The following KIF21A variants were observed in gnomAD, a reference collection of about 807,000 sequenced individuals.
The protein encoded by KIF21A is kinesin-like protein KIF21A.
In KIF21A, 114 loss-of-function variants were observed where a neutral mutation model predicts 202.9. The ratio of observed to expected loss-of-function variants is 0.56; its 90% confidence interval spans 0.48 to 0.66. KIF21A has a LOEUF of 0.66. Ranked by LOEUF, KIF21A falls within the 30% of genes least tolerant of loss-of-function variation. The probability of loss-of-function intolerance (pLI) is 0.00; values close to 1 mark genes in which losing one functional copy is unlikely to be tolerated. For synonymous variants in KIF21A, 667 were observed against 670.8 expected, an observed-to-expected ratio of 0.99 and a Z score of 0.09; for missense variants, 1,677 against 1,994.9, an observed-to-expected ratio of 0.84 and a Z score of 3.04.
At position 39,423,966 on chromosome 12, in the gene KIF21A, A is replaced by G. The variant is rs376361533; in HGVS notation, c.44+18961T>C. On this transcript the variant is annotated intron_variant, in intron 1 of 37. Transcript: ENST00000361418. ...GCCACTGCACTCCAGCCTGGGGGAC[A>G]GAGCAAGACTCTGTCTCAAAAAAAA... Among the ~76,000 whole-genome samples the G allele has an allele frequency of 2.7e-3, 378 of 138,250 alleles. 11 individuals are homozygous for G. In the South Asian group the frequency reaches 0.093, roughly 34 times the overall value. 90.7% of individuals were successfully genotyped at this position (138,250 alleles called of 152,430 possible).
intron 1 of KIF21A, among the ~76,000 whole-genome samples, chr12:39,400,020 C>T (rs1952045235): frequency 6.6e-6 from 1 of 152,172 alleles, no homozygotes; most frequent in Non-Finnish European, 1.5e-5. Flanking sequence ...ACCTCATGTG[C>T]ATAACATCGA....
intron 11 of KIF21A, among the ~76,000 whole-genome samples, chr12:39,351,510 G>A (rs528764642): frequency 7.2e-5 from 11 of 152,050 alleles, no homozygotes; most frequent in African/African-American, 2.2e-4. Context: ...GCTATTTGAA[G>A]AAATAATAAA....
At chr12:39,407,202 A>G (rs1271509075) in intron 1 of KIF21A, among the ~76,000 whole-genome samples, 1 of 152,202 alleles carries the variant, frequency 6.6e-6, no homozygotes, top group Admixed American at 6.5e-5. Flanking sequence ...TCTTTATGCT[A>G]GAGATTTCTC....
chr12:39,342,122 A>G lies in KIF21A; in HGVS notation c.1715T>C (p.Val572Ala), dbSNP rs1364807045. 6.2e-7 allele frequency: 1 copy of G among 1,602,406 alleles called. No homozygotes were observed. Among genetic ancestry groups the G allele is most frequent in the East Asian group, 2.2e-5 (1 of 44,748 alleles). ...LEESNREERS[V>A]AGKEDNTDTD... ...GTCTGTATTATCCTCTTTACCAGCC[A>G]CACTAAAAAAAGGAACATAAGGGTA... is the stretch of plus-strand genomic sequence containing the variant. The change falls in exon 13 of 38, where the codon GTG becomes GCG. Residue 572 changes from valine (V) to alanine (A), a missense_variant and splice_region_variant. By Grantham distance (64) the Val-to-Ala change is moderately conservative. Transcript: ENST00000361418.
At chr12:39,404,866 A>G (rs977507952) in intron 1 of KIF21A, among the ~76,000 whole-genome samples, 66 of 152,322 alleles carry the variant, frequency 4.3e-4, no homozygotes, top group African/African-American at 1.3e-3. Flanking sequence ...ATACTATTTC[A>G]GCAGTATCAA....
At chr12:39,319,712 T>A (rs937781810) in intron 28 of KIF21A, among the ~76,000 whole-genome samples, 194 bp downstream of exon 28, 1 of 152,148 alleles carries the variant, frequency 6.6e-6, no homozygotes, top group Non-Finnish European at 1.5e-5. Flanking sequence ...CAAATATCTT[T>A]ACAGGTATAT....
intron 26 of KIF21A, among the ~76,000 whole-genome samples, chr12:39,323,982 C>T (rs530367657): frequency 2.9e-4 from 44 of 151,904 alleles, no homozygotes; most frequent in Admixed American, 1.7e-3. Flanking sequence ...TGGTGGCGGG[C>T]GCCTGTTGTC....
chr12:39,373,227 A>G (rs553558069), intron 1 of KIF21A, among the ~76,000 whole-genome samples: 2 of 152,304 alleles, frequency 1.3e-5, no homozygotes, highest in South Asian at 4.1e-4. Context: ...TTTCACTAGT[A>G]GCCGTGGTGA....
chr12:39,399,284 T>C lies in KIF21A; in HGVS notation c.45-29023A>G, dbSNP rs140652687. 3.1e-3 allele frequency among the ~76,000 whole-genome samples: 477 copies of C among 152,334 alleles called. 5 individuals are homozygous for C. Among genetic ancestry groups the C allele is most frequent in the African/African-American group, 0.011 (469 of 41,570 alleles). On this transcript the variant is annotated intron_variant, in intron 1 of 37. Transcript: ENST00000361418. Reference sequence around the variant, plus strand: ...AGATGATTTAAAGTATATGTGAGGATGTGTGAGTATATATGCAAATATTAT... The same window carrying C: ...AGATGATTTAAAGTATATGTGAGGACGTGTGAGTATATATGCAAATATTAT...
rs757125466 is a variant in KIF21A at position 39,369,880 on chromosome 12, G to T, written c.299C>A (p.Thr100Lys). Residue 100 changes from threonine to lysine, a missense_variant, in exon 3 of 38, where the codon ACA (threonine) becomes AAA (lysine). Around this residue, in one of 3 missense-constraint regions of KIF21A, gnomAD observed 966 missense variants for 1,180.9 expected, o/e 0.82. Transcript: ENST00000361418. ...CTCAACAATGTTAACATCAAATCCT[G>T]TTCCCATTGTGTATGTTTTACCAGC... ...TGAGKTYTMG[T>K]GFDVNIVEEE... The T allele has an allele frequency of 6.2e-7, 1 of 1,613,448 alleles. No individual in the cohort carries two copies.
intron 35 of KIF21A, 102 bp downstream of exon 35, chr12:39,304,719 A>G (rs1211459128): frequency 1.4e-6 from 1 of 708,888 alleles, no homozygotes; most frequent in Non-Finnish European, 2.5e-6. Context: ...AAAGACTAGA[A>G]AGGAAAAAAG....
At chr12:39,325,498 ATT>A (rs397714587) in intron 26 of KIF21A, among the ~76,000 whole-genome samples, 16 of 121,450 alleles carry the variant, frequency 1.3e-4, no homozygotes, top group East Asian at 7.1e-4. Flanking sequence ...CGCCCAGCTA[ATT>A]TTTTTTTTTT....
rs182146596 is a variant in KIF21A at position 39,391,255 on chromosome 12, A to T, written c.45-20994T>A. Among the ~76,000 whole-genome samples the T allele has an allele frequency of 2.7e-3, 413 of 152,312 alleles. 1 individual carries two copies. Among genetic ancestry groups the T allele is most frequent in the South Asian group, 0.017 (83 of 4,822 alleles). On this transcript the variant is annotated intron_variant, in intron 1 of 37. Coordinates refer to ENST00000361418, the MANE Select transcript of KIF21A (RefSeq NM_001173464.2). ...AAATTCCAAATCCATTTGGTTCTTAAGTTTTAGGTAGCAAATAGCAAGTTT... is the reference window on the plus strand; with the variant it reads ...AAATTCCAAATCCATTTGGTTCTTATGTTTTAGGTAGCAAATAGCAAGTTT...
intron 17 of KIF21A, among the ~76,000 whole-genome samples, chr12:39,334,200 CAAAAA>C (rs576176350): frequency 1.6e-5 from 1 of 63,736 alleles, no homozygotes; most frequent in African/African-American, 4.8e-5. Flanking sequence ...GACTCCATCT[CAAAAA>C]AAAAAAAAAA....
chr12:39,330,271 A>G lies in KIF21A; in HGVS notation c.3320-9T>C, dbSNP rs1450830795. Reference sequence around the variant, plus strand: ...TGGTACGCTATCTAGATCTGTGTAAATAACAGCAAAAAGGAAACAAAAAGC... The same window carrying G: ...TGGTACGCTATCTAGATCTGTGTAAGTAACAGCAAAAAGGAAACAAAAAGC... On this transcript the variant is annotated splice_polypyrimidine_tract_variant and intron_variant, in intron 23 of 37. Coordinates refer to ENST00000361418, the MANE Select transcript of KIF21A (RefSeq NM_001173464.2). 5 of 1,611,922 alleles carry G rather than the reference A, an allele frequency of 3.1e-6. No individual in the cohort carries two copies. The highest frequency in any genetic ancestry group is 4.2e-6 in the Non-Finnish European group (5 of 1,178,384).
At chr12:39,302,067 A>T (rs1274800019) in intron 36 of KIF21A, among the ~76,000 whole-genome samples, 1 of 152,212 alleles carries the variant, frequency 6.6e-6, no homozygotes, top group Admixed American at 6.5e-5. Context: ...CTGGCTCATA[A>T]TACCACCAGT....
intron 26 of KIF21A, among the ~76,000 whole-genome samples, chr12:39,325,005 C>T (rs1386112059): frequency 1.3e-5 from 2 of 152,212 alleles, no homozygotes; most frequent in African/African-American, 4.8e-5. Flanking sequence ...AGCTATCTCA[C>T]ACATTTAACT....
At chr12:39,405,277 G>T (rs555583128) in intron 1 of KIF21A, among the ~76,000 whole-genome samples, 2 of 151,988 alleles carry the variant, frequency 1.3e-5, no homozygotes, top group Non-Finnish European at 2.9e-5. Context: ...TCTTGGACCC[G>T]GGAGGCAGAG....
Position 39,322,837 on chromosome 12 carries a change from T to C in KIF21A, c.3502A>G (p.Ser1168Gly). 6.2e-7 allele frequency: 1 copy of C among 1,605,296 alleles called. No homozygotes were observed. The highest frequency in any genetic ancestry group is 8.5e-7 in the Non-Finnish European group (1 of 1,176,844). The change falls in exon 27 of 38, where the codon AGC becomes GGC. Residue 1168 changes from serine (S) to glycine (G), a missense_variant. Physicochemically the swap from Ser to Gly is moderately conservative, Grantham distance 56. Coordinates refer to ENST00000361418, the MANE Select transcript of KIF21A (RefSeq NM_001173464.2). ...TTQMELLYAD[S>G]SELASDTSTG... ...CTAGTGTCTGAAGCTAGTTCACTGC[T>C]ATCTGCATACAGCAATTCCATCTGA... is the stretch of plus-strand genomic sequence containing the variant.
Sources: allele counts gnomAD v4.1 joint callset (sites outside exome capture counted in the v4.1 genomes callset), GRCh38; gene constraint gnomAD v4.1.1; regional missense constraint gnomAD v4.1.1; transcripts MANE v1.5; gene names NCBI Gene and HGNC (gene_info 2026-07-23, HGNC 2026-07-21).